The following PSME4 variants were observed in gnomAD, a reference collection of about 807,000 sequenced individuals.
PSME4 encodes proteasome activator complex subunit 4.
In PSME4, 89 loss-of-function variants were observed where a neutral mutation model predicts 253.9. The observed-to-expected ratio is 0.35, with a 90% CI of 0.30 to 0.42. The LOEUF (loss-of-function observed/expected upper bound fraction) is 0.42. PSME4 is among the 10% of genes least tolerant of loss of function. PSME4 has a pLI of 1.00. For synonymous variants in PSME4, 851 were observed against 759.2 expected (o/e 1.12, Z -1.99); for missense variants, 2,014 against 2,195.2 (o/e 0.92, Z 1.65).
At chr2:53,953,736 TC>T (rs981085611) in intron 1 of PSME4, among the ~76,000 whole-genome samples, 1 of 152,148 alleles carries the variant, frequency 6.6e-6, no homozygotes, top group Admixed American at 6.5e-5. Flanking sequence ...TTAGACTGTA[TC>T]TACAGATGGT....
intron 29 of PSME4, among the ~76,000 whole-genome samples, chr2:53,899,361 C>T (rs952557595): frequency 5.3e-5 from 8 of 152,054 alleles, no homozygotes; most frequent in East Asian, 3.9e-4. Flanking sequence ...CCACCGTGCT[C>T]GGCCTTATTT....
intron 12 of PSME4, among the ~76,000 whole-genome samples, chr2:53,926,979 A>AAAAG (rs551552640): frequency 1.1e-3 from 162 of 151,244 alleles, no homozygotes; most frequent in African/African-American, 2.3e-3. Flanking sequence ...TCTCAAAAAA[A>AAAAG]AAAGAAAGAA....
At chr2:53,927,663 T>C (rs542421406) in intron 11 of PSME4, among the ~76,000 whole-genome samples, 180 bp from the exon 12 acceptor site, 126 of 152,328 alleles carry the variant, frequency 8.3e-4, no homozygotes, top group Non-Finnish European at 1.6e-3. Flanking sequence ...TAACTAGCTG[T>C]CGGCCGAGCG....
intron 41 of PSME4, among the ~76,000 whole-genome samples, chr2:53,884,161 C>A (rs1167395334): frequency 6.6e-6 from 1 of 152,138 alleles, no homozygotes; most frequent in Non-Finnish European, 1.5e-5. Context: ...ATTAGTATAT[C>A]CAGGTGAGAT....
chr2:53,897,879 T>C lies in PSME4; in HGVS notation c.3597A>G (p.Val1199=), dbSNP rs1476382699. 9 of 1,613,610 alleles carry C rather than the reference T, an allele frequency of 5.6e-6. No individual in the cohort carries two copies. Among genetic ancestry groups the C allele is most frequent in the Admixed American group, 5.0e-5 (3 of 59,986 alleles). ...FVENLNHDAI[V]VRKMAISAVA... ...AAAACAAGGTATGTACCTTTCGAAC[T>C]ACAATTGCATCATGGTTGAGATTCT... The change falls in exon 31 of 47, where the codon GTA becomes GTG. Residue 1199 remains valine (V), a synonymous_variant. Transcript: ENST00000404125.
intron 1 of PSME4, among the ~76,000 whole-genome samples, chr2:53,957,002 T>C (rs1670265926): frequency 6.6e-6 from 1 of 152,050 alleles, no homozygotes; most frequent in African/African-American, 2.4e-5. Flanking sequence ...ATGAAAAATA[T>C]CAAAACAAAA....
intron 43 of PSME4, among the ~76,000 whole-genome samples, chr2:53,871,374 C>A (rs1678867328): frequency 6.6e-6 from 1 of 151,986 alleles, no homozygotes; most frequent in African/African-American, 2.4e-5. Context: ...CCTCAGCCTC[C>A]CAAGTAGCTG....
At chr2:53,919,539 C>T (rs1299759782) in intron 19 of PSME4, among the ~76,000 whole-genome samples, 1 of 152,160 alleles carries the variant, frequency 6.6e-6, no homozygotes, top group East Asian at 1.9e-4. Flanking sequence ...ACCACTGCCA[C>T]TAACAAAAAG....
intron 31 of PSME4, 89 bp from the exon 32 acceptor site, chr2:53,896,974 T>C: frequency 9.9e-7 from 1 of 1,007,876 alleles, no homozygotes; most frequent in East Asian, 2.4e-5. Flanking sequence ...AATAGGATTC[T>C]GTTTCTTTAA....
intron 10 of PSME4, among the ~76,000 whole-genome samples, chr2:53,931,176 G>A (rs1668813651): frequency 6.6e-6 from 1 of 152,160 alleles, no homozygotes; most frequent in African/African-American, 2.4e-5. Context: ...TACTCAGGAG[G>A]CTGAGGCAGG....
At chr2:53,892,183 G>T (rs563787659) in intron 36 of PSME4, among the ~76,000 whole-genome samples, 1 of 152,090 alleles carries the variant, frequency 6.6e-6, no homozygotes, top group Non-Finnish European at 1.5e-5. Context: ...CTCCTAAAAG[G>T]TGACCAAAAA....
chr2:53,896,332 A>G (rs1680135264), intron 32 of PSME4, among the ~76,000 whole-genome samples: 1 of 152,222 alleles, frequency 6.6e-6, no homozygotes, highest in South Asian at 2.1e-4. Context: ...CTATAATCCA[A>G]TCCAGGATTA....
chr2:53,920,773 T>G, intron 18 of PSME4, 116 bp downstream of exon 18: 1 of 858,086 alleles, frequency 1.2e-6, no homozygotes, highest in Non-Finnish European at 1.8e-6. Flanking sequence ...AATAATAGTT[T>G]CAATAATCTA....
chr2:53,874,448 T>C lies in PSME4; in HGVS notation c.4991A>G (p.Tyr1664Cys). The change falls in exon 43 of 47, where the codon TAC becomes TGC. Residue 1664 changes from tyrosine to cysteine, a missense_variant. Physicochemically the swap from Tyr to Cys is radical, Grantham distance 194. Transcript: ENST00000404125. ...GTTATAAAATACCATGGTCTGGAGG[T>C]AGGTCAGTACTGTGTATCGTGCATG... ...SWHARYTVLTYLQTMVFYNLF... is the reference protein window; with the variant it reads ...SWHARYTVLTCLQTMVFYNLF... The C allele has an allele frequency of 6.2e-7, 1 of 1,614,060 alleles. No homozygotes were observed. Among genetic ancestry groups the C allele is most frequent in the South Asian group, 1.1e-5 (1 of 91,074 alleles).
intron 14 of PSME4, among the ~76,000 whole-genome samples, chr2:53,923,722 A>G (rs897438353): frequency 1.3e-5 from 2 of 152,118 alleles, no homozygotes; most frequent in Non-Finnish European, 2.9e-5. Context: ...CAGGAGCTCA[A>G]GACCAGCCTG....
intron 44 of PSME4, among the ~76,000 whole-genome samples, chr2:53,867,513 A>C (rs1678625249): frequency 6.6e-6 from 1 of 150,450 alleles, no homozygotes; most frequent in Non-Finnish European, 1.5e-5. Flanking sequence ...AAAAAAAAAA[A>C]AAAAAAAAAG....
chr2:53,864,648 A>T lies in PSME4; in HGVS notation c.*930T>A, dbSNP rs1053155352. On this transcript the variant is annotated 3_prime_UTR_variant, in exon 47 of 47. Transcript: ENST00000404125. The stretch of plus-strand genomic sequence containing the variant: ...CTCTACAGTTTATACACTCTTTTAC[A>T]TTTATATAACATATTAAACAAATCA... 6.6e-6 allele frequency: 1 copy of T among 152,626 alleles called. No homozygotes were observed. The highest frequency in any genetic ancestry group is 1.5e-5 in the Non-Finnish European group (1 of 68,046). 9.5% of individuals were successfully genotyped at this position (152,626 alleles called of 1,614,324 possible). A position where few individuals can be genotyped will look rare whatever the true frequency, so the allele number is the denominator to read the frequency against.
At chr2:53,932,130 T>A in intron 9 of PSME4, 30 bp from the exon 10 acceptor site, 1 of 1,599,054 alleles carries the variant, frequency 6.3e-7, no homozygotes, top group Non-Finnish European at 8.5e-7. Context: ...AAGTTCTAAG[T>A]AGGTTCTACT....
At chr2:53,917,668 C>G (rs1351197821) in intron 20 of PSME4, among the ~76,000 whole-genome samples, 1 of 152,158 alleles carries the variant, frequency 6.6e-6, no homozygotes, top group Non-Finnish European at 1.5e-5. Flanking sequence ...TTGACACCTT[C>G]AAGCAGAACT....
Sources: gnomAD v4.1 joint callset for allele counts (sites outside exome capture counted in the v4.1 genomes callset) on GRCh38, gnomAD v4.1.1 for gene constraint, MANE v1.5 for transcripts, NCBI Gene and HGNC (gene_info 2026-07-23, HGNC 2026-07-21) for gene names.